PLXDC2: variants seen among roughly 807,000 people sequenced by gnomAD.
The protein encoded by PLXDC2 is plexin domain-containing protein 2.
Under a neutral mutation model 68.9 loss-of-function variants are expected in PLXDC2, and 40 were observed. That is an observed-to-expected ratio of 0.58 (90% CI 0.45 to 0.76). The LOEUF is 0.76. PLXDC2 is among the 30% of genes least tolerant of loss of function. PLXDC2 has a pLI of 0.00. For missense variants in PLXDC2, 644 were observed against 661.9 expected (o/e 0.97, Z 0.30); for synonymous variants, 243 against 234.2 (o/e 1.04, Z -0.34).
At chr10:19,919,312 T>C (rs769870827) in intron 1 of PLXDC2, among the ~76,000 whole-genome samples, 9 of 152,258 alleles carry the variant, frequency 5.9e-5, no homozygotes, top group African/African-American at 2.2e-4. Context: ...GTTGTTCTTA[T>C]TTTGGTTTGC....
chr10:19,817,510 A>G (rs1020096369), intron 1 of PLXDC2, among the ~76,000 whole-genome samples: 1 of 152,006 alleles, frequency 6.6e-6, no homozygotes, highest in Non-Finnish European at 1.5e-5. Context: ...ATCTCCTAGG[A>G]CCTGGCATCT....
chr10:20,077,585 A>G (rs1171250123), intron 4 of PLXDC2, among the ~76,000 whole-genome samples: 1 of 152,188 alleles, frequency 6.6e-6, no homozygotes, highest in African/African-American at 2.4e-5. Context: ...TTCAAATGAG[A>G]AGCTTCTCCT....
intron 12 of PLXDC2, among the ~76,000 whole-genome samples, chr10:20,244,184 C>G (rs117280810): frequency 2.0e-5 from 3 of 152,106 alleles, no homozygotes; most frequent in Admixed American, 1.3e-4. Flanking sequence ...ATATGGTGCA[C>G]TTAAGATACA....
At chr10:19,874,180 C>T (rs1238521964) in intron 1 of PLXDC2, among the ~76,000 whole-genome samples, 1 of 152,174 alleles carries the variant, frequency 6.6e-6, no homozygotes, top group Admixed American at 6.5e-5. Context: ...AAGTGTAGGA[C>T]TATTAATGAG....
intron 13 of PLXDC2, among the ~76,000 whole-genome samples, chr10:20,263,514 A>G (rs1453385495): frequency 1.3e-5 from 2 of 152,246 alleles, no homozygotes; most frequent in South Asian, 2.1e-4. Context: ...AATGGGATCT[A>G]ATTTAACTTA....
chr10:20,042,524 T>C (rs557445319), intron 2 of PLXDC2, among the ~76,000 whole-genome samples: 3 of 152,306 alleles, frequency 2.0e-5, no homozygotes, highest in South Asian at 4.1e-4. Flanking sequence ...TTTCATTATG[T>C]TTTAAGTATC....
At chr10:20,020,305 T>C (rs1319868316) in intron 2 of PLXDC2, among the ~76,000 whole-genome samples, 3 of 149,278 alleles carry the variant, frequency 2.0e-5, no homozygotes, top group Middle Eastern at 3.5e-3. Context: ...TAAAAGAGAA[T>C]ACAACTCCTC....
intron 4 of PLXDC2, among the ~76,000 whole-genome samples, chr10:20,123,400 C>T (rs527498967): frequency 6.6e-6 from 1 of 152,196 alleles, no homozygotes; most frequent in Admixed American, 6.5e-5. Flanking sequence ...GGACGTCAGG[C>T]ATCTCAGATC....
chr10:19,849,376 T>C (rs553550135), intron 1 of PLXDC2, among the ~76,000 whole-genome samples: 12 of 152,114 alleles, frequency 7.9e-5, no homozygotes, highest in Non-Finnish European at 1.2e-4. Flanking sequence ...TTCTACAAAA[T>C]GAAATCTAAT....
At chr10:19,937,272 A>T (rs1480512649) in intron 1 of PLXDC2, among the ~76,000 whole-genome samples, 1 of 152,076 alleles carries the variant, frequency 6.6e-6, no homozygotes, top group Non-Finnish European at 1.5e-5. Flanking sequence ...GGATGGTCTT[A>T]GTCCCACATC....
rs951325632 is a variant in PLXDC2, at chr10:20,284,370, A to C, written c.*4551A>C. On this transcript the variant is annotated 3_prime_UTR_variant, in exon 14 of 14. Coordinates refer to ENST00000377252, the MANE Select transcript of PLXDC2 (RefSeq NM_032812.9). ...ACACACACAAATATACATATATATC[A>C]AATATATATGTATATTTGATAGAGA... is the stretch of plus-strand genomic sequence containing the variant. 16 of 143,512 alleles carry C rather than the reference A, an allele frequency of 1.1e-4. No homozygotes were observed. In the Middle Eastern group the frequency reaches 0.011, roughly 100 times the overall value. The allele number at this position is 143,512 out of a possible 1,614,324, so 8.9% of individuals were successfully genotyped here. A position where few individuals can be genotyped will look rare whatever the true frequency, so the allele number is the denominator to read the frequency against.
chr10:20,130,161 A>G (rs992430291), intron 4 of PLXDC2, among the ~76,000 whole-genome samples: 4 of 151,996 alleles, frequency 2.6e-5, no homozygotes. Flanking sequence ...ACAGGATATC[A>G]TTCCTTTTAT....
intron 2 of PLXDC2, 137 bp downstream of exon 2, chr10:20,002,123 G>T: frequency 1.2e-6 from 1 of 853,014 alleles, no homozygotes; most frequent in Non-Finnish European, 1.8e-6. Context: ...AATTTAATTC[G>T]TTAATAAATA....
At chr10:20,236,488 A>G (rs184203216) in intron 12 of PLXDC2, among the ~76,000 whole-genome samples, 3 of 152,242 alleles carry the variant, frequency 2.0e-5, no homozygotes, top group Admixed American at 6.5e-5. Context: ...TATTTTAAAT[A>G]GGGAAAAATG....
intron 7 of PLXDC2, among the ~76,000 whole-genome samples, chr10:20,164,776 G>A (rs1834351983): frequency 6.6e-6 from 1 of 152,134 alleles, no homozygotes; most frequent in South Asian, 2.1e-4. Flanking sequence ...AAATTAAATA[G>A]TGAAGCCAAA....
intron 4 of PLXDC2, among the ~76,000 whole-genome samples, chr10:20,088,626 A>G (rs1362173247): frequency 6.6e-6 from 1 of 152,172 alleles, no homozygotes; most frequent in South Asian, 2.1e-4. Context: ...TAGGTAGGCA[A>G]CAGAGTCTGT....
intron 2 of PLXDC2, among the ~76,000 whole-genome samples, chr10:20,033,798 C>G (rs894025838): frequency 1.3e-5 from 2 of 152,128 alleles, no homozygotes; most frequent in Non-Finnish European, 2.9e-5. Context: ...AGGGATACAG[C>G]CAAACCATAT....
At chr10:20,014,589 A>C (rs1236485295) in intron 2 of PLXDC2, among the ~76,000 whole-genome samples, 1 of 152,088 alleles carries the variant, frequency 6.6e-6, no homozygotes, top group Non-Finnish European at 1.5e-5. Context: ...AAGTAACTAA[A>C]ATGGAAATTA....
At chr10:20,100,945 CATATT>C (rs2131739080) in intron 4 of PLXDC2, among the ~76,000 whole-genome samples, 1 of 151,902 alleles carries the variant, frequency 6.6e-6, no homozygotes, top group African/African-American at 2.4e-5. Context: ...TGACAATCAC[CATATT>C]ATATTGTATG....
Sources: gnomAD v4.1 joint callset for allele counts (sites outside exome capture counted in the v4.1 genomes callset) on GRCh38, gnomAD v4.1.1 for gene constraint, MANE v1.5 for transcripts, NCBI Gene and HGNC (gene_info 2026-07-23, HGNC 2026-07-21) for gene names.